SPON1: variants seen among roughly 807,000 people sequenced by gnomAD.
SPON1 encodes spondin-1.
In SPON1, 52 loss-of-function variants were observed where a neutral mutation model predicts 111.7. The observed-to-expected ratio is 0.47, with a 90% CI of 0.37 to 0.59. The LOEUF (loss-of-function observed/expected upper bound fraction) is 0.59, where lower values mean the gene tolerates loss of function less well. SPON1 is among the 20% of genes least tolerant of loss of function. The pLI, the probability that SPON1 is intolerant of heterozygous loss-of-function variation, is 0.00. For missense variants in SPON1, 957 were observed against 1,068.5 expected, an observed-to-expected ratio of 0.90 and a Z score of 1.46; for synonymous variants, 410 against 395.8, an observed-to-expected ratio of 1.04 and a Z score of -0.43.
At chr11:14,066,992 G>A (rs1341162051) in intron 3 of SPON1, among the ~76,000 whole-genome samples, 1 of 152,004 alleles carries the variant, frequency 6.6e-6, no homozygotes, top group East Asian at 1.9e-4. Flanking sequence ...GGACAGCATA[G>A]CAAGACCCCA....
At chr11:14,143,154 G>A (rs7932930) in intron 6 of SPON1, among the ~76,000 whole-genome samples, 57,772 of 152,032 alleles carry the variant, frequency 0.38, 11,443 homozygotes, top group East Asian at 0.55. Flanking sequence ...GGGCAATGGT[G>A]CCCCCTGCAT....
At chr11:14,137,775 T>G (rs1003067504) in intron 6 of SPON1, among the ~76,000 whole-genome samples, 4 of 152,152 alleles carry the variant, frequency 2.6e-5, no homozygotes, top group Admixed American at 6.5e-5. Flanking sequence ...AAGCCAGGCC[T>G]ACCTGTATAA....
intron 6 of SPON1, among the ~76,000 whole-genome samples, chr11:14,136,204 C>T (rs1380256709): frequency 1.3e-5 from 2 of 152,130 alleles, no homozygotes; most frequent in African/African-American, 2.4e-5. Flanking sequence ...CAGAGAGAGG[C>T]TAATGAGAGA....
rs1395778094 is a variant in SPON1, at chr11:14,161,035, ATATCTATATATT to A, written c.825+25471_825+25482del. Among the ~76,000 whole-genome samples, 5 of 89,956 alleles carry A rather than the reference ATATCTATATATT, an allele frequency of 5.6e-5. 1 individual carries two copies. The highest frequency in any genetic ancestry group is 2.3e-4 in the African/African-American group (5 of 21,506). The allele number at this position is 89,956 out of a possible 152,430, so 59.0% of individuals were successfully genotyped here. A position where few individuals can be genotyped will look rare whatever the true frequency, so the allele number is the denominator to read the frequency against. On this transcript the variant is annotated intron_variant, in intron 6 of 15. Coordinates refer to ENST00000576479, the MANE Select transcript of SPON1 (RefSeq NM_006108.4). ...TTTATATATCTATATATATTTATAT[ATATCTATATATT>A]TATATATATTTATATATATCTATAA...
At chr11:13,983,027 T>C in intron 2 of SPON1, 74 bp downstream of exon 2, 1 of 1,024,924 alleles carries the variant, frequency 9.8e-7, no homozygotes, top group Non-Finnish European at 1.5e-6. Context: ...TACAAGTGTC[T>C]CAGGTGGCTT....
chr11:14,150,428 A>G (rs1554929803), intron 6 of SPON1, among the ~76,000 whole-genome samples: 1 of 152,048 alleles, frequency 6.6e-6, no homozygotes, highest in Non-Finnish European at 1.5e-5. Context: ...AATCTACAGT[A>G]TGTTTTCAAA....
intron 2 of SPON1, among the ~76,000 whole-genome samples, chr11:14,011,853 C>A (rs1203531268): frequency 6.6e-6 from 1 of 152,144 alleles, no homozygotes; most frequent in Non-Finnish European, 1.5e-5. Context: ...ATGACATGGG[C>A]TTTGGAATAC....
intron 5 of SPON1, among the ~76,000 whole-genome samples, chr11:14,097,844 C>CT (rs145958603): frequency 1.3e-4 from 19 of 150,230 alleles, no homozygotes; most frequent in Admixed American, 2.6e-4. Context: ...ATGTTTTTGT[C>CT]TTTTTTTTTT....
chr11:14,231,968 A>G (rs919053922), intron 6 of SPON1, among the ~76,000 whole-genome samples: 2 of 132,176 alleles, frequency 1.5e-5, no homozygotes, highest in Admixed American at 1.6e-4. Flanking sequence ...CTCTCCTCCT[A>G]CGCCGTGTGT....
At chr11:14,080,061 AT>A (rs1242560104) in intron 5 of SPON1, 40 bp downstream of exon 5, 1 of 1,612,920 alleles carries the variant, frequency 6.2e-7, no homozygotes, top group African/African-American at 1.3e-5. Context: ...GGAAAAGCAC[AT>A]TGTCAAAGTT....
chr11:14,176,205 A>G (rs1271240849), intron 6 of SPON1, among the ~76,000 whole-genome samples: 1 of 152,016 alleles, frequency 6.6e-6, no homozygotes, highest in Non-Finnish European at 1.5e-5. Flanking sequence ...TCCATCAGCA[A>G]CCCCTCTGAG....
At chr11:14,248,104 G>C (rs917802697) in intron 7 of SPON1, among the ~76,000 whole-genome samples, 1 of 152,112 alleles carries the variant, frequency 6.6e-6, no homozygotes, top group Non-Finnish European at 1.5e-5. Context: ...TGAGGCGGGT[G>C]GTTGGCTGTG....
At chr11:14,101,315 G>A (rs1191841104) in intron 5 of SPON1, among the ~76,000 whole-genome samples, 1 of 152,046 alleles carries the variant, frequency 6.6e-6, no homozygotes, top group East Asian at 1.9e-4. Flanking sequence ...CAGGAGAATT[G>A]CTTGAACCCA....
At chr11:14,005,803 C>G (rs1848355096) in intron 2 of SPON1, among the ~76,000 whole-genome samples, 1 of 152,154 alleles carries the variant, frequency 6.6e-6, no homozygotes, top group African/African-American at 2.4e-5. Flanking sequence ...TAGGGTCATT[C>G]AATAGAATGT....
At chr11:14,132,699 TCCC>T (rs1847541820) in intron 5 of SPON1, among the ~76,000 whole-genome samples, 2 of 152,114 alleles carry the variant, frequency 1.3e-5, no homozygotes, top group South Asian at 4.1e-4. Context: ...TCCATCTGGG[TCCC>T]TCCCCTAATC....
chr11:14,063,653 T>C (rs1025827787), intron 3 of SPON1, among the ~76,000 whole-genome samples: 1 of 152,138 alleles, frequency 6.6e-6, no homozygotes, highest in African/African-American at 2.4e-5. Flanking sequence ...GGCACAGACA[T>C]TGAAAAGAAG....
At chr11:14,232,099 T>C (rs1310773458) in intron 6 of SPON1, among the ~76,000 whole-genome samples, 1 of 152,090 alleles carries the variant, frequency 6.6e-6, no homozygotes, top group African/African-American at 2.4e-5. Flanking sequence ...CCTGGCCCTT[T>C]CATATGCATC....
intron 6 of SPON1, among the ~76,000 whole-genome samples, chr11:14,209,328 G>A (rs1219147721): frequency 6.6e-6 from 1 of 152,054 alleles, no homozygotes; most frequent in Non-Finnish European, 1.5e-5. Flanking sequence ...TTGTTACATA[G>A]GTATACATGT....
At chr11:14,232,875 G>A (rs923138893) in intron 6 of SPON1, among the ~76,000 whole-genome samples, 11 of 152,124 alleles carry the variant, frequency 7.2e-5, no homozygotes, top group African/African-American at 1.7e-4. Context: ...GGGCAGCGGC[G>A]GCAGCAGTGA....
Sources: allele counts gnomAD v4.1 joint callset (sites outside exome capture counted in the v4.1 genomes callset), GRCh38; gene constraint gnomAD v4.1.1; transcripts MANE v1.5; gene names NCBI Gene and HGNC (gene_info 2026-07-23, HGNC 2026-07-21).